ATP2B2: variants seen among roughly 807,000 people sequenced by gnomAD.
ATP2B2 encodes plasma membrane calcium-transporting ATPase 2.
Under a neutral mutation model 120.0 loss-of-function variants are expected in ATP2B2, and 15 were observed. That is an observed-to-expected ratio of 0.12 (90% CI 0.08 to 0.19). The LOEUF (loss-of-function observed/expected upper bound fraction) is 0.19. Among genes scored for constraint, ATP2B2 ranks in the 10% least tolerant of loss-of-function variants. The pLI is 1.00. For missense variants in ATP2B2, 1,045 were observed against 1,719.8 expected, an observed-to-expected ratio of 0.61 and a Z score of 6.94; for synonymous variants, 694 against 700.3, an observed-to-expected ratio of 0.99 and a Z score of 0.14.
chr3:10,386,235 G>A (rs183541049), intron 7 of ATP2B2, among the ~76,000 whole-genome samples: 4 of 152,144 alleles, frequency 2.6e-5, no homozygotes, highest in Admixed American at 2.0e-4. Context: ...AGAGATGGGG[G>A]TGGTACCACT....
At chr3:10,627,346 A>C (rs950926633) in intron 1 of ATP2B2, among the ~76,000 whole-genome samples, 3 of 152,214 alleles carry the variant, frequency 2.0e-5, no homozygotes, top group African/African-American at 7.2e-5. Flanking sequence ...TATTGGAAAG[A>C]CTGGTGACAT....
chr3:10,483,478 G>A (rs1245824300), intron 1 of ATP2B2, among the ~76,000 whole-genome samples: 2 of 152,212 alleles, frequency 1.3e-5, no homozygotes, highest in African/African-American at 4.8e-5. Context: ...GAGAGCAGAA[G>A]GCAATCCTGG....
chr3:10,530,859 C>T (rs1407490537), intron 3 of ATP2B2, among the ~76,000 whole-genome samples: 1 of 152,052 alleles, frequency 6.6e-6, no homozygotes, highest in Non-Finnish European at 1.5e-5. Context: ...GAAATTCTGC[C>T]GATTGAACTT....
intron 14 of ATP2B2, among the ~76,000 whole-genome samples, chr3:10,351,167 G>C (rs1036362447): frequency 6.6e-6 from 1 of 152,206 alleles, no homozygotes; most frequent in African/African-American, 2.4e-5. Context: ...CTCTCTGACT[G>C]TAATGACAGA....
intron 2 of ATP2B2, among the ~76,000 whole-genome samples, chr3:10,435,903 CAAG>C (rs2063466736): frequency 6.6e-6 from 1 of 152,172 alleles, no homozygotes; most frequent in South Asian, 2.1e-4. Flanking sequence ...AAGAAATTAT[CAAG>C]AAGAGAAGCA....
chr3:10,682,482 G>C (rs572789575), intron 1 of ATP2B2, among the ~76,000 whole-genome samples: 2 of 152,226 alleles, frequency 1.3e-5, no homozygotes, highest in Non-Finnish European at 1.5e-5. Flanking sequence ...AAATGTGACA[G>C]TGACAATGCT....
chr3:10,696,687 C>A (rs974140426), intron 1 of ATP2B2, among the ~76,000 whole-genome samples: 2 of 152,324 alleles, frequency 1.3e-5, no homozygotes, highest in South Asian at 2.1e-4. Context: ...TGCAGCTCCC[C>A]CTTTCCACCT....
intron 3 of ATP2B2, among the ~76,000 whole-genome samples, chr3:10,513,898 T>C (rs2066825729): frequency 6.6e-6 from 1 of 151,908 alleles, no homozygotes; most frequent in South Asian, 2.1e-4. Flanking sequence ...CCTGGTTTTT[T>C]CCCAACCCCC....
chr3:10,545,403 C>T (rs530828661), intron 2 of ATP2B2, among the ~76,000 whole-genome samples: 49 of 152,064 alleles, frequency 3.2e-4, no homozygotes, highest in Non-Finnish European at 6.6e-4. Flanking sequence ...ATGGTGGGTG[C>T]CTGTAATCCC....
chr3:10,621,633 G>C (rs76380515), intron 1 of ATP2B2, among the ~76,000 whole-genome samples: 3 of 152,198 alleles, frequency 2.0e-5, no homozygotes, highest in African/African-American at 4.8e-5. Flanking sequence ...GTCAGGAGAC[G>C]GGGAGTTAGC....
At chr3:10,636,182 A>G (rs933306319) in intron 1 of ATP2B2, among the ~76,000 whole-genome samples, 1 of 151,666 alleles carries the variant, frequency 6.6e-6, no homozygotes, top group African/African-American at 2.4e-5. Flanking sequence ...CCCAGCATCA[A>G]CTCCCCTGCT....
At chr3:10,403,120 C>A (rs984922029) in intron 3 of ATP2B2, among the ~76,000 whole-genome samples, 1 of 152,220 alleles carries the variant, frequency 6.6e-6, no homozygotes, top group African/African-American at 2.4e-5. Flanking sequence ...CCTTCCCCGG[C>A]TTCAGTGGCC....
In ATP2B2 at chr3:10,410,709, C is replaced by T. The variant is rs140890685; in HGVS notation, c.306G>A (p.Ala102=). The part of the protein sequence containing the change: ...PKTFLQLVWE[A]LQDVTLIILE... Reference sequence around the variant, plus strand: ...GGATGATGAGCGTCACGTCCTGCAGCGCCTCCCACACGAGCTGCAGGAAGG... The same window carrying T: ...GGATGATGAGCGTCACGTCCTGCAGTGCCTCCCACACGAGCTGCAGGAAGG... Residue 102 remains alanine (A), a synonymous_variant, in exon 3 of 23, where the codon GCG becomes GCA. Coordinates refer to ENST00000360273, the MANE Select transcript of ATP2B2 (RefSeq NM_001001331.4). 739 of 1,614,072 alleles carry T rather than the reference C, an allele frequency of 4.6e-4. No individual in the cohort carries two copies. Among genetic ancestry groups the T allele is most frequent in the Non-Finnish European group, 5.6e-4 (664 of 1,180,052 alleles).
At chr3:10,690,464 CT>C (rs916944924) in intron 1 of ATP2B2, among the ~76,000 whole-genome samples, 8 of 151,996 alleles carry the variant, frequency 5.3e-5, no homozygotes, top group Non-Finnish European at 1.2e-4. Flanking sequence ...ATCTATCTAT[CT>C]ATCTATCTAT....
intron 2 of ATP2B2, among the ~76,000 whole-genome samples, chr3:10,577,379 G>A (rs2068277577): frequency 6.6e-6 from 1 of 152,198 alleles, no homozygotes; most frequent in Non-Finnish European, 1.5e-5. Context: ...TTCAGAGATA[G>A]GAGGTAACTT....
intron 14 of ATP2B2, among the ~76,000 whole-genome samples, chr3:10,351,005 G>A (rs703911): frequency 0.21 from 32,426 of 152,096 alleles, 3,959 homozygotes; most frequent in East Asian, 0.4. Context: ...AAACTTGACA[G>A]ATCTATTTGT....
rs1160364849 is a variant in ATP2B2 at position 10,343,760 on chromosome 3, G to A, written c.2704-795C>T. Among the ~76,000 whole-genome samples the A allele has an allele frequency of 6.6e-6, 1 of 151,946 alleles. No homozygotes were observed. The highest frequency in any genetic ancestry group is 1.5e-5 in the Non-Finnish European group (1 of 67,984). On this transcript the variant is annotated intron_variant, in intron 18 of 22. Transcript: ENST00000360273. The surrounding 1 kb of genome is among the most constrained non-coding windows in gnomAD (Gnocchi z 4.2). ...GCCACGAGTTGCAGGACCTCTTCTCGGCCAGATGTCACTGACCTCGCCCCT... is the reference window on the plus strand; with the variant it reads ...GCCACGAGTTGCAGGACCTCTTCTCAGCCAGATGTCACTGACCTCGCCCCT...
At chr3:10,509,150 C>T (rs142235137), upstream of ATP2B2, among the ~76,000 whole-genome samples, 174 of 152,226 alleles carry the variant, frequency 1.1e-3, no homozygotes, top group African/African-American at 4.0e-3. Flanking sequence ...AGGAGGCTCT[C>T]TGCACGAAGG....
At chr3:10,584,398 G>A (rs1322300649) in intron 2 of ATP2B2, among the ~76,000 whole-genome samples, 1 of 152,102 alleles carries the variant, frequency 6.6e-6, no homozygotes, top group Non-Finnish European at 1.5e-5. Flanking sequence ...TCCCTTCCTG[G>A]TGGCCTGACC....
Sources: allele counts gnomAD v4.1 joint callset (sites outside exome capture counted in the v4.1 genomes callset), GRCh38; gene constraint gnomAD v4.1.1; non-coding constraint Gnocchi (gnomAD v3.1); transcripts MANE v1.5; gene names NCBI Gene and HGNC (gene_info 2026-07-23, HGNC 2026-07-21).